HSDL2: variants seen among roughly 807,000 people sequenced by gnomAD.
The protein encoded by HSDL2 is hydroxysteroid dehydrogenase-like protein 2.
Under a neutral mutation model 46.3 loss-of-function variants are expected in HSDL2, and 27 were observed. That is an observed-to-expected ratio of 0.58 (90% CI 0.43 to 0.80). The LOEUF (loss-of-function observed/expected upper bound fraction) is 0.80. Among genes scored for constraint, HSDL2 ranks in the 30% least tolerant of loss-of-function variants. The pLI is 0.00. For missense variants in HSDL2, 451 were observed against 502.7 expected (o/e 0.90, Z 0.98); for synonymous variants, 153 against 163.6 (o/e 0.94, Z 0.50).
intron 10 of HSDL2, among the ~76,000 whole-genome samples, chr9:112,466,918 T>G (rs6477938): frequency 0.96 from 145,450 of 152,276 alleles, 69,528 homozygotes; most frequent in African/African-American, 0.98. Context: ...CACCATTTGT[T>G]GAATAGACTG....
intron 9 of HSDL2, 79 bp from the exon 10 acceptor site, chr9:112,459,370 T>A: frequency 6.8e-7 from 1 of 1,463,134 alleles, no homozygotes; most frequent in Non-Finnish European, 9.4e-7. Flanking sequence ...TTTGTAAGAT[T>A]ATTCTAATTG....
chr9:112,470,658 T>C lies in HSDL2; in HGVS notation c.*114T>C. On this transcript the variant is annotated 3_prime_UTR_variant, in exon 11 of 11. Transcript: ENST00000398805. Reference sequence around the variant, plus strand: ...TATATTATAAGGATATGCACGTTTGTTCTGGAAAAGATAGAATTTGTCTCT... The same window carrying C: ...TATATTATAAGGATATGCACGTTTGCTCTGGAAAAGATAGAATTTGTCTCT... 1.7e-6 allele frequency: 1 copy of C among 583,234 alleles called. No individual in the cohort carries two copies. The highest frequency in any genetic ancestry group is 3.0e-6 in the Non-Finnish European group (1 of 337,796). 36.1% of individuals were successfully genotyped at this position (583,234 alleles called of 1,614,324 possible).
At chr9:112,384,955 A>T (rs1180667749) in intron 1 of HSDL2, among the ~76,000 whole-genome samples, 1 of 152,092 alleles carries the variant, frequency 6.6e-6, no homozygotes, top group Non-Finnish European at 1.5e-5. Flanking sequence ...GTCATAACTA[A>T]TAGTACAAGA....
At chr9:112,393,774 C>G (rs1422827633) in intron 1 of HSDL2, among the ~76,000 whole-genome samples, 2 of 152,230 alleles carry the variant, frequency 1.3e-5, no homozygotes, top group African/African-American at 2.4e-5. Flanking sequence ...CAACATTACA[C>G]TTTTCCTGAA....
chr9:112,426,408 G>A (rs1170270173), intron 6 of HSDL2, among the ~76,000 whole-genome samples: 3 of 152,024 alleles, frequency 2.0e-5, no homozygotes, highest in South Asian at 4.1e-4. Flanking sequence ...GCTAATTTTT[G>A]TATTTTTAGT....
chr9:112,409,245 A>G lies in HSDL2; in HGVS notation c.395+224A>G, dbSNP rs138898629. On this transcript the variant is annotated intron_variant, in intron 4 of 10. Coordinates refer to ENST00000398805, the MANE Select transcript of HSDL2 (RefSeq NM_032303.5). ...ATTCTTGTTGCCCAGGCTGGAGTGC[A>G]GTGGCACGATCTCAGCTCACTGCAA... Among the ~76,000 whole-genome samples the G allele has an allele frequency of 3.1e-4, 47 of 152,182 alleles. No homozygotes were observed. The East Asian group carries it at 8.5e-3, about 27-fold the overall frequency.
Position 112,434,615 on chromosome 9 carries a change from G to A in HSDL2, c.599-3816G>A, listed in dbSNP as rs117385066. ...TTAGTGGTCCCTAAGGTAATGGTGCGCTGTATAATCAGTGGTATCATTGGT... is the reference window on the plus strand; with the variant it reads ...TTAGTGGTCCCTAAGGTAATGGTGCACTGTATAATCAGTGGTATCATTGGT... On this transcript the variant is annotated intron_variant, in intron 6 of 10. Coordinates refer to ENST00000398805, the MANE Select transcript of HSDL2 (RefSeq NM_032303.5). Among the ~76,000 whole-genome samples the A allele has an allele frequency of 6.9e-3, 1,056 of 152,186 alleles. 34 individuals are homozygous for A. The highest frequency in any genetic ancestry group is 0.029 in the East Asian group (148 of 5,180).
chr9:112,407,056 A>G (rs1325718710), intron 3 of HSDL2, among the ~76,000 whole-genome samples: 4 of 152,192 alleles, frequency 2.6e-5, no homozygotes, highest in Admixed American at 6.5e-5. Flanking sequence ...TATAATCCCA[A>G]TGCAGAGTGC....
chr9:112,436,130 A>G (rs1384589120), intron 6 of HSDL2, among the ~76,000 whole-genome samples: 1 of 149,290 alleles, frequency 6.7e-6, no homozygotes, highest in African/African-American at 2.5e-5. Flanking sequence ...AAAGCTGGAT[A>G]TGGTGGGAGG....
At chr9:112,436,343 A>C (rs894732227) in intron 6 of HSDL2, among the ~76,000 whole-genome samples, 1 of 151,976 alleles carries the variant, frequency 6.6e-6, no homozygotes, top group Non-Finnish European at 1.5e-5. Context: ...AAATTCCCTA[A>C]ATTAATTGAA....
intron 10 of HSDL2, among the ~76,000 whole-genome samples, chr9:112,467,715 A>G (rs556620426): frequency 5.3e-5 from 8 of 152,296 alleles, no homozygotes; most frequent in African/African-American, 1.7e-4. Context: ...GACACTAAGC[A>G]AAGTCTTCCT....
intron 10 of HSDL2, 75 bp downstream of exon 10, chr9:112,459,652 C>G: frequency 7.8e-7 from 1 of 1,283,998 alleles, no homozygotes; most frequent in Non-Finnish European, 1.1e-6. Flanking sequence ...TTATCCCTTC[C>G]CAAATAATCA....
chr9:112,453,549 C>T (rs993182171), intron 8 of HSDL2, among the ~76,000 whole-genome samples: 30 of 152,184 alleles, frequency 2.0e-4, no homozygotes, highest in Middle Eastern at 3.4e-3. Context: ...CCAACCACCA[C>T]GCCCAGCTAA....
At chr9:112,448,678 A>C (rs1317624443) in intron 8 of HSDL2, among the ~76,000 whole-genome samples, 2 of 151,536 alleles carry the variant, frequency 1.3e-5, no homozygotes, top group African/African-American at 4.9e-5. Context: ...CAGCCTCCTG[A>C]GTAGCTAGGA....
chr9:112,441,845 AT>A lies in HSDL2; in HGVS notation c.865+76del. Reference sequence around the variant, plus strand: ...GTATTTCTTCCAAAATATGGAATTGATCCTATAACAGTGACATTTCTGCCTT... The same window carrying A: ...GTATTTCTTCCAAAATATGGAATTGACCTATAACAGTGACATTTCTGCCTT... On this transcript the variant is annotated intron_variant, in intron 8 of 10. Coordinates refer to ENST00000398805, the MANE Select transcript of HSDL2 (RefSeq NM_032303.5). 2 of 937,580 alleles carry A rather than the reference AT, an allele frequency of 2.1e-6. 1 individual carries two copies. The highest frequency in any genetic ancestry group is 3.4e-6 in the Non-Finnish European group (2 of 591,434). The allele number at this position is 937,580 out of a possible 1,614,324, so 58.1% of individuals were successfully genotyped here.
intron 10 of HSDL2, among the ~76,000 whole-genome samples, chr9:112,467,182 G>A (rs1388296667): frequency 8.8e-6 from 1 of 113,028 alleles, no homozygotes; most frequent in Non-Finnish European, 1.8e-5. Context: ...GTCCATTAAG[G>A]GATGCATGGA....
In HSDL2 at chr9:112,449,080, G is replaced by GTTTTTTTTTTTTTTTTTTT. The variant is rs59586435; in HGVS notation, c.866-4932_866-4914dup. On this transcript the variant is annotated intron_variant, in intron 8 of 10. Coordinates refer to ENST00000398805, the MANE Select transcript of HSDL2 (RefSeq NM_032303.5). ...TCAAACTGTTTTATCTCTTTCCTCT[G>GTTTTTTTTTTTTTTTTTTT]TTTTTTTTTTTTTTTTTTTCTTTTA... 1.7e-5 allele frequency among the ~76,000 whole-genome samples: 2 copies of GTTTTTTTTTTTTTTTTTTT among 118,952 alleles called. 1 individual carries two copies. The highest frequency in any genetic ancestry group is 3.5e-5 in the Non-Finnish European group (2 of 57,568). The allele number at this position is 118,952 out of a possible 152,430, so 78.0% of individuals were successfully genotyped here. A position where few individuals can be genotyped will look rare whatever the true frequency, so the allele number is the denominator to read the frequency against.
chr9:112,440,401 G>C (rs2150257), intron 7 of HSDL2, among the ~76,000 whole-genome samples: 145,460 of 151,336 alleles, frequency 0.96, 69,953 homozygotes, highest in African/African-American at 0.99. Context: ...AAGACCCCAT[G>C]TCAAAAAAAA....
intron 4 of HSDL2, chr9:112,413,957 A>G: frequency 4.6e-6 from 1 of 218,866 alleles, no homozygotes; most frequent in Non-Finnish European, 9.2e-6. Context: ...TTGGCTAGCA[A>G]CTTAGAACTT....
Sources: allele counts gnomAD v4.1 joint callset (sites outside exome capture counted in the v4.1 genomes callset), GRCh38; gene constraint gnomAD v4.1.1; transcripts MANE v1.5; gene names NCBI Gene and HGNC (gene_info 2026-07-23, HGNC 2026-07-21).